Variants in PAPOLG observed in about 807,000 individuals in gnomAD.
The protein encoded by PAPOLG is PAP-gamma.
Under a neutral mutation model 99.0 loss-of-function variants are expected in PAPOLG, and 40 were observed. The ratio of observed to expected loss-of-function variants is 0.40; its 90% CI spans 0.31 to 0.53. The LOEUF is 0.53. Ranked by LOEUF, PAPOLG falls within the 20% of genes least tolerant of loss-of-function variation. The pLI, the probability that PAPOLG is intolerant of heterozygous loss-of-function variation, is 0.41. For missense variants in PAPOLG, 675 were observed against 884.1 expected, an observed-to-expected ratio of 0.76 and a Z score of 3.00; for synonymous variants, 310 against 299.3, an observed-to-expected ratio of 1.04 and a Z score of -0.37.
chr2:60,793,492 A>C, intron 17 of PAPOLG, 135 bp from the exon 18 acceptor site: 1 of 960,240 alleles, frequency 1.0e-6, no homozygotes, highest in Non-Finnish European at 1.5e-6. Context: ...TGAGTCCAGG[A>C]GGTTGAGGCT....
rs1671542291 is a variant in PAPOLG, at chr2:60,791,745, A to G, written c.1397-16A>G. On this transcript the variant is annotated splice_polypyrimidine_tract_variant and intron_variant, in intron 15 of 21. Coordinates refer to ENST00000238714, the MANE Select transcript of PAPOLG (RefSeq NM_022894.4). ...CAGAAAGAAGTTTCCCATTTAACAT[A>G]TTAACATTGTTACAGTGTACAGACA... The G allele has an allele frequency of 1.3e-6, 2 of 1,582,958 alleles. No individual in the cohort carries two copies. Among genetic ancestry groups the G allele is most frequent in the South Asian group, 1.2e-5 (1 of 85,266 alleles).
At chr2:60,781,778 A>G (rs1245500953) in intron 10 of PAPOLG, 107 bp from the exon 11 acceptor site, 3 of 1,437,096 alleles carry the variant, frequency 2.1e-6, no homozygotes, top group Non-Finnish European at 2.9e-6. Context: ...AACTTGAGGA[A>G]ATGTAGTATT....
At chr2:60,766,871 G>T (rs893293280) in intron 3 of PAPOLG, among the ~76,000 whole-genome samples, 2 of 152,118 alleles carry the variant, frequency 1.3e-5, no homozygotes, top group Admixed American at 1.3e-4. Flanking sequence ...GGAACATGTC[G>T]TGGAGATTTT....
intron 13 of PAPOLG, 93 bp from the exon 14 acceptor site, chr2:60,786,854 A>T: frequency 6.9e-7 from 1 of 1,454,312 alleles, no homozygotes; most frequent in African/African-American, 1.4e-5. Context: ...GAACATGTAA[A>T]GCTTCGTAGT....
At position 60,798,384 on chromosome 2, in the gene PAPOLG, T is replaced by C. The variant is rs1157068149; in HGVS notation, c.*1224T>C. On this transcript the variant is annotated 3_prime_UTR_variant, in exon 22 of 22. Coordinates refer to ENST00000238714, the MANE Select transcript of PAPOLG (RefSeq NM_022894.4). ...CTTGTAATATGTTGATTCAGTGTTT[T>C]GTAAATGAAGTCGTATGTATTTTCA... is the stretch of plus-strand genomic sequence containing the variant. The C allele has an allele frequency of 6.5e-6, 1 of 152,834 alleles. No homozygotes were observed. The highest frequency in any genetic ancestry group is 1.5e-5 in the Non-Finnish European group (1 of 68,046). 9.5% of individuals were successfully genotyped at this position (152,834 alleles called of 1,614,324 possible).
In PAPOLG at chr2:60,794,157, A is replaced by G. The variant is rs1303549873; in HGVS notation, c.1955A>G (p.Asp652Gly). 4 of 1,613,102 alleles carry G rather than the reference A, an allele frequency of 2.5e-6. No individual in the cohort carries two copies. The Admixed American group carries it at 6.7e-5, about 27-fold the overall frequency. The change falls in exon 19 of 22, where the codon GAT (aspartate) becomes GGT (glycine). Residue 652 changes from aspartate to glycine, a missense_variant. By Grantham distance (94) the Asp-to-Gly change is moderately conservative. Coordinates refer to ENST00000238714, the MANE Select transcript of PAPOLG (RefSeq NM_022894.4). Reference sequence around the variant, plus strand: ...AAGAGATCCCATTCCCCATCCATAGATGGGACTCCTAAGAGGTTGAAAGAC... The same window carrying G: ...AAGAGATCCCATTCCCCATCCATAGGTGGGACTCCTAAGAGGTTGAAAGAC... ...TPKRSHSPSIDGTPKRLKDVE... is the reference protein window; with the variant it reads ...TPKRSHSPSIGGTPKRLKDVE...
At chr2:60,757,076 T>G (rs1323485728) in intron 1 of PAPOLG, among the ~76,000 whole-genome samples, 1 of 152,126 alleles carries the variant, frequency 6.6e-6, no homozygotes, top group Non-Finnish European at 1.5e-5. Flanking sequence ...ACAGTTCCCG[T>G]ACTTGGCAAG....
chr2:60,786,990 T>G lies in PAPOLG; in HGVS notation c.1210T>G (p.Leu404Val). Residue 404 changes from leucine to valine, a missense_variant, in exon 14 of 22, where the codon TTG becomes GTG. Leu to Val is a conservative substitution (Grantham distance 32). This residue lies in a region of PAPOLG where 413 missense variants were observed against 460.5 expected (regional missense o/e 0.90). Coordinates refer to ENST00000238714, the MANE Select transcript of PAPOLG (RefSeq NM_022894.4). ...TAAAATCCGTGTACTTGTTGGAAAC[T>G]TGGAACGGAATGAATTTATTACTCT... Reference protein sequence around the residue: ...ESKIRVLVGNLERNEFITLAH... With the variant: ...ESKIRVLVGNVERNEFITLAH... 1 of 1,612,650 alleles carries G rather than the reference T, an allele frequency of 6.2e-7. No individual in the cohort carries two copies. The highest frequency in any genetic ancestry group is 8.5e-7 in the Non-Finnish European group (1 of 1,178,818).
At chr2:60,782,033 C>T (rs1671204722) in intron 11 of PAPOLG, 28 bp downstream of exon 11, 1 of 1,604,840 alleles carries the variant, frequency 6.2e-7, no homozygotes, top group Non-Finnish European at 8.5e-7. Flanking sequence ...TTGCCCTTTA[C>T]ATATTCCCAC....
intron 1 of PAPOLG, among the ~76,000 whole-genome samples, chr2:60,757,569 A>G (rs1438780996): frequency 6.6e-6 from 1 of 152,212 alleles, no homozygotes; most frequent in Non-Finnish European, 1.5e-5. Flanking sequence ...TTAGCACAAC[A>G]TAGTATCTCT....
At chr2:60,783,555 G>A (rs911025894) in intron 13 of PAPOLG, among the ~76,000 whole-genome samples, 4 of 117,432 alleles carry the variant, frequency 3.4e-5, no homozygotes, top group African/African-American at 1.3e-4. Context: ...CTGTCACCCA[G>A]ACTGGAGTGT....
intron 13 of PAPOLG, 115 bp downstream of exon 13, chr2:60,783,324 CTTTTTTTTTT>C (rs72172236): frequency 5.7e-5 from 9 of 158,420 alleles, no homozygotes; most frequent in Admixed American, 2.4e-4. Flanking sequence ...TATTATATCT[CTTTTTTTTTT>C]TTTTTTTTTT....
intron 10 of PAPOLG, among the ~76,000 whole-genome samples, chr2:60,781,579 G>A (rs1671190665): frequency 6.6e-6 from 1 of 152,172 alleles, no homozygotes; most frequent in African/African-American, 2.4e-5. Context: ...CATTAAACCA[G>A]ATAATGCTTT....
chr2:60,766,311 C>A (rs1203232874), intron 3 of PAPOLG, among the ~76,000 whole-genome samples: 4 of 151,944 alleles, frequency 2.6e-5, no homozygotes, highest in Non-Finnish European at 5.9e-5. Context: ...GTAAGGATAA[C>A]CAGGGAAGGC....
chr2:60,799,108 C>G lies in PAPOLG; in HGVS notation c.*1948C>G, dbSNP rs985000949. On this transcript the variant is annotated 3_prime_UTR_variant, in exon 22 of 22. Transcript: ENST00000238714. ...ATCACCTGACTTCAACTTTTGAAAGCTTTAGTAAGGAATTTGATTAAATTT... is the reference window on the plus strand; with the variant it reads ...ATCACCTGACTTCAACTTTTGAAAGGTTTAGTAAGGAATTTGATTAAATTT... The G allele has an allele frequency of 7.9e-5, 12 of 152,326 alleles. No homozygotes were observed. Among genetic ancestry groups the G allele is most frequent in the African/African-American group, 2.9e-4 (12 of 41,446 alleles). The allele number at this position is 152,326 out of a possible 1,614,324, so 9.4% of individuals were successfully genotyped here.
rs1671402335 is a variant in PAPOLG at position 60,787,557 on chromosome 2, G to A, written c.1333G>A (p.Val445Ile). 1.2e-6 allele frequency: 2 copies of A among 1,613,992 alleles called. No individual in the cohort carries two copies. Among genetic ancestry groups the A allele is most frequent in the African/African-American group, 1.3e-5 (1 of 74,932 alleles). ...MWFLGIIFRR[V>I]ENAESVNIDL... ...GTTCCTTGGGATAATTTTTCGGAGAGTAGAAAATGCAGAAAGTGTCAACAT... is the reference window on the plus strand; with the variant it reads ...GTTCCTTGGGATAATTTTTCGGAGAATAGAAAATGCAGAAAGTGTCAACAT... The change falls in exon 15 of 22, where the codon GTA (valine) becomes ATA (isoleucine). Residue 445 changes from valine to isoleucine, a missense_variant. This residue lies in a region of PAPOLG where 413 missense variants were observed against 460.5 expected (regional missense o/e 0.90). Coordinates refer to ENST00000238714, the MANE Select transcript of PAPOLG (RefSeq NM_022894.4).
At chr2:60,778,451 T>C (rs1671088779) in intron 8 of PAPOLG, among the ~76,000 whole-genome samples, 1 of 152,118 alleles carries the variant, frequency 6.6e-6, no homozygotes, top group Non-Finnish European at 1.5e-5. Context: ...GTGGTGGGAT[T>C]ACAGGTGTGA....
intron 5 of PAPOLG, 62 bp from the exon 6 acceptor site, chr2:60,770,396 T>C (rs1344295428): frequency 2.2e-6 from 3 of 1,350,800 alleles, no homozygotes; most frequent in Non-Finnish European, 3.0e-6. Context: ...ACATTATTGG[T>C]AGTTAGGAAG....
chr2:60,794,226 G>T, intron 19 of PAPOLG, 35 bp downstream of exon 19: 1 of 1,575,930 alleles, frequency 6.3e-7, no homozygotes, highest in Middle Eastern at 1.7e-4. Context: ...TTCAGTAGTT[G>T]ATATTTTTTA....
Sources: allele counts gnomAD v4.1 joint callset (sites outside exome capture counted in the v4.1 genomes callset), GRCh38; gene constraint gnomAD v4.1.1; regional missense constraint gnomAD v4.1.1; transcripts MANE v1.5; gene names NCBI Gene and HGNC (gene_info 2026-07-23, HGNC 2026-07-21).